Variants in IFT88 observed in about 807,000 individuals in gnomAD.
The protein encoded by IFT88 is intraflagellar transport protein 88 homolog.
A neutral mutation model predicts 119.5 loss-of-function variants in IFT88; 74 were observed. The observed-to-expected ratio is 0.62, with a 90% CI of 0.51 to 0.75. The LOEUF is 0.75. Among genes scored for constraint, IFT88 ranks in the 30% least tolerant of loss-of-function variants. The pLI, the probability that IFT88 is intolerant of heterozygous loss-of-function variation, is 0.00. For missense variants in IFT88, 961 were observed against 977.7 expected (o/e 0.98, Z 0.23); for synonymous variants, 279 against 316.7 (o/e 0.88, Z 1.26).
intron 14 of IFT88, among the ~76,000 whole-genome samples, chr13:20,617,324 G>A (rs1216028928): frequency 2.6e-5 from 4 of 152,074 alleles, no homozygotes; most frequent in Non-Finnish European, 4.4e-5. Flanking sequence ...CCAGAAGCAG[G>A]GTGATTTTTA....
chr13:20,641,877 T>C (rs556807615), intron 18 of IFT88: 1 of 153,252 alleles, frequency 6.5e-6, no homozygotes, highest in Admixed American at 6.5e-5. Context: ...TCTAAAATTA[T>C]GTAATTCTTC....
chr13:20,664,416 A>G (rs147259605), intron 23 of IFT88, among the ~76,000 whole-genome samples: 1 of 152,334 alleles, frequency 6.6e-6, no homozygotes, highest in African/African-American at 2.4e-5. Flanking sequence ...TTGTACATTC[A>G]TTAGTGCCAG....
At chr13:20,687,917 A>T (rs1001229462) in intron 24 of IFT88, among the ~76,000 whole-genome samples, 4 of 152,156 alleles carry the variant, frequency 2.6e-5, no homozygotes, top group African/African-American at 9.7e-5. Flanking sequence ...GATTATAGAC[A>T]CTCATGGGGA....
Position 20,601,829 on chromosome 13 carries a change from A to G in IFT88, c.937A>G (p.Ile313Val), listed in dbSNP as rs148997004. The G allele has an allele frequency of 1.9e-4, 314 of 1,613,064 alleles. No homozygotes were observed. The highest frequency in any genetic ancestry group is 2.1e-4 in the Non-Finnish European group (248 of 1,179,176). The stretch of plus-strand genomic sequence containing the variant: ...TCTGAAGGCAGGCTACAACCTAACT[A>G]TCTGTTATTTTGCTATTGGAGACCG... ...PNLKAGYNLT[I>V]CYFAIGDREK... Residue 313 changes from isoleucine (I) to valine (V), a missense_variant, in exon 12 of 26, where the codon ATC becomes GTC. Ile to Val is a conservative substitution (Grantham distance 29, BLOSUM62 3). Transcript: ENST00000351808.
At chr13:20,616,084 C>A (rs2987988) in intron 14 of IFT88, among the ~76,000 whole-genome samples, 139,834 of 152,276 alleles carry the variant, frequency 0.92, 64,298 homozygotes, top group East Asian at 1. Context: ...TTTTGTAAAT[C>A]AAGTAGTTAT....
intron 1 of IFT88, among the ~76,000 whole-genome samples, chr13:20,570,519 T>C (rs1566029657): frequency 6.6e-6 from 1 of 152,230 alleles, no homozygotes; most frequent in Non-Finnish European, 1.5e-5. Flanking sequence ...TGCAGATGTA[T>C]TTAGCCATAA....
chr13:20,596,533 T>C (rs933213969), intron 8 of IFT88, among the ~76,000 whole-genome samples: 1 of 152,222 alleles, frequency 6.6e-6, no homozygotes, highest in Non-Finnish European at 1.5e-5. Flanking sequence ...GATAGCAATA[T>C]GCTGCTGAAA....
At chr13:20,675,441 G>A (rs2056541379) in intron 24 of IFT88, among the ~76,000 whole-genome samples, 1 of 152,186 alleles carries the variant, frequency 6.6e-6, no homozygotes, top group Non-Finnish European at 1.5e-5. Flanking sequence ...AGTATTAGAA[G>A]ATAGTGAACA....
intron 12 of IFT88, among the ~76,000 whole-genome samples, chr13:20,604,717 G>T (rs183947131): frequency 1.3e-4 from 20 of 152,292 alleles, no homozygotes; most frequent in Middle Eastern, 3.4e-3. Context: ...TACTTTGAAA[G>T]GCTGAGGTGA....
At chr13:20,641,200 C>A in intron 17 of IFT88, 90 bp from the exon 18 acceptor site, 2 of 753,748 alleles carry the variant, frequency 2.7e-6, no homozygotes, top group Non-Finnish European at 4.2e-6. Context: ...TAAATATTTT[C>A]ATATATTTTG....
chr13:20,671,962 C>T (rs1271185152), intron 24 of IFT88, among the ~76,000 whole-genome samples: 2 of 152,092 alleles, frequency 1.3e-5, no homozygotes, highest in Non-Finnish European at 2.9e-5. Flanking sequence ...TACTGTGTGC[C>T]AAACACTGTG....
At chr13:20,629,767 C>T (rs2047916137) in intron 15 of IFT88, among the ~76,000 whole-genome samples, 2 of 152,172 alleles carry the variant, frequency 1.3e-5, no homozygotes, top group African/African-American at 4.8e-5. Context: ...AAAGCTAACA[C>T]AGTTACTTTT....
In IFT88 at chr13:20,589,995, C is replaced by G. The variant is rs1413974696; in HGVS notation, c.210+128C>G. ...ATATATTTTCTATTTTGGATACTTA[C>G]AAACATTATACAAGTCTAGTGTGAT... On this transcript the variant is annotated intron_variant, in intron 4 of 25. Coordinates refer to ENST00000351808, the MANE Select transcript of IFT88 (RefSeq NM_006531.5). The G allele has an allele frequency of 8.0e-6, 4 of 500,436 alleles. No individual in the cohort carries two copies. In the East Asian group the frequency reaches 1.2e-4, roughly 15 times the overall value. 31.0% of individuals were successfully genotyped at this position (500,436 alleles called of 1,614,324 possible).
chr13:20,596,054 GTAAAATAAAATAAAA>G lies in IFT88; in HGVS notation c.399-76_399-62del, dbSNP rs59556709. The G allele has an allele frequency of 2.2e-3, 472 of 210,278 alleles. 12 individuals are homozygous for G. Among genetic ancestry groups the G allele is most frequent in the African/African-American group, 0.011 (433 of 40,596 alleles). 13.0% of individuals were successfully genotyped at this position (210,278 alleles called of 1,614,324 possible). ...TGGGCAACCAAGTAAGACCTTGTCTGTAAAATAAAATAAAATAAAATAAAATAAAATAAATTTTAG... is the reference window on the plus strand; with the variant it reads ...TGGGCAACCAAGTAAGACCTTGTCTGTAAAATAAAATAAAATAAATTTTAG... On this transcript the variant is annotated intron_variant, in intron 7 of 25. Transcript: ENST00000351808.
intron 23 of IFT88, among the ~76,000 whole-genome samples, chr13:20,669,986 C>T (rs1329154210): frequency 1.4e-4 from 21 of 152,168 alleles, no homozygotes; most frequent in Non-Finnish European, 1.5e-5. Flanking sequence ...TTTCATCTTA[C>T]AGAAATGAGT....
At chr13:20,687,857 T>A (rs74036424) in intron 24 of IFT88, among the ~76,000 whole-genome samples, 2 of 152,020 alleles carry the variant, frequency 1.3e-5, no homozygotes, top group Non-Finnish European at 2.9e-5. Flanking sequence ...TTAAATCCAA[T>A]GTGCAGGAGC....
rs1237913864 is a variant in IFT88, at chr13:20,638,470, G to C, written c.1525G>C (p.Glu509Gln). ...DYEKAAEFYK[E>Q]ALRNDSSCTE... ...TGAGAAGGCCGCTGAATTCTATAAAGAGGCTCTAAGAAATGATTCTTCTTG... is the reference window on the plus strand; with the variant it reads ...TGAGAAGGCCGCTGAATTCTATAAACAGGCTCTAAGAAATGATTCTTCTTG... Residue 509 changes from glutamate (E) to glutamine (Q), a missense_variant, in exon 17 of 26, where the codon GAG (glutamate) becomes CAG (glutamine). Coordinates refer to ENST00000351808, the MANE Select transcript of IFT88 (RefSeq NM_006531.5). The C allele has an allele frequency of 6.6e-7, 1 of 1,522,618 alleles. No homozygotes were observed. The highest frequency in any genetic ancestry group is 8.7e-7 in the Non-Finnish European group (1 of 1,143,064). 94.3% of individuals were successfully genotyped at this position (1,522,618 alleles called of 1,614,324 possible).
chr13:20,611,554 T>TGCACCTAA (rs1390333697), intron 13 of IFT88, among the ~76,000 whole-genome samples: 1 of 148,524 alleles, frequency 6.7e-6, no homozygotes, highest in Non-Finnish European at 1.5e-5. Context: ...CTGAATGCTT[T>TGCACCTAA]GCACCTAAGA....
At chr13:20,629,854 AGAAG>A (rs2047925686) in intron 15 of IFT88, among the ~76,000 whole-genome samples, 4 of 152,346 alleles carry the variant, frequency 2.6e-5, no homozygotes, top group African/African-American at 9.6e-5. Context: ...ATATTTTAAA[AGAAG>A]GAAGGAAGGA....
Sources: allele counts gnomAD v4.1 joint callset (sites outside exome capture counted in the v4.1 genomes callset), GRCh38; gene constraint gnomAD v4.1.1; transcripts MANE v1.5; gene names NCBI Gene and HGNC (gene_info 2026-07-23, HGNC 2026-07-21).